RALYL: variants seen among roughly 807,000 people sequenced by gnomAD.
The protein encoded by RALYL is RALY RNA binding protein like.
RALYL carries 29 observed loss-of-function variants against 35.1 expected under a neutral mutation model. That is an observed-to-expected ratio of 0.83 (90% CI 0.61 to 1.13). The LOEUF (loss-of-function observed/expected upper bound fraction) is 1.13, where lower values mean the gene tolerates loss of function less well. Ranked by LOEUF, RALYL falls within the 50% of genes most tolerant of loss-of-function variation. The probability of loss-of-function intolerance (pLI) is 0.00; values close to 1 mark genes in which losing one functional copy is unlikely to be tolerated. For synonymous variants in RALYL, 120 were observed against 127.6 expected, an observed-to-expected ratio of 0.94 and a Z score of 0.40; for missense variants, 359 against 360.4, an observed-to-expected ratio of 1.00 and a Z score of 0.03.
chr8:84,405,149 A>T (rs1010729581), intron 1 of RALYL, among the ~76,000 whole-genome samples: 3 of 152,152 alleles, frequency 2.0e-5, no homozygotes, highest in Admixed American at 2.0e-4. Context: ...AGAAATAAAG[A>T]TGTTTCTTGA....
At chr8:84,360,555 A>C (rs1852776524) in intron 1 of RALYL, among the ~76,000 whole-genome samples, 1 of 152,136 alleles carries the variant, frequency 6.6e-6, no homozygotes, top group Non-Finnish European at 1.5e-5. Context: ...ATTCCTTCTT[A>C]ATCTTGACTA....
At chr8:84,650,411 A>T (rs182411361) in intron 2 of RALYL, among the ~76,000 whole-genome samples, 1 of 151,348 alleles carries the variant, frequency 6.6e-6, no homozygotes, top group Non-Finnish European at 1.5e-5. Context: ...AGTAGGCGAA[A>T]GACGTGAAAA....
chr8:84,493,429 C>T (rs1392060943), intron 1 of RALYL, among the ~76,000 whole-genome samples: 1 of 152,030 alleles, frequency 6.6e-6, no homozygotes, highest in Non-Finnish European at 1.5e-5. Context: ...TGGGTATATA[C>T]CAAGTAATGG....
chr8:84,389,935 A>G (rs1431030832), intron 1 of RALYL, among the ~76,000 whole-genome samples: 1 of 151,456 alleles, frequency 6.6e-6, no homozygotes, highest in African/African-American at 2.4e-5. Flanking sequence ...TTTCAAAGGG[A>G]ATGCTTCCAG....
rs193201516 is a variant in RALYL at position 84,272,373 on chromosome 8, C to T, written c.-24+87949C>T. Among the ~76,000 whole-genome samples, 13 of 152,098 alleles carry T rather than the reference C, an allele frequency of 8.5e-5. No individual in the cohort carries two copies. In the East Asian group the frequency reaches 2.1e-3, roughly 25 times the overall value. ...TCTCCCAAAGTGCTGGGATTACAGG[C>T]GTAAGCCACCGCACCTGGCCAAGTG... On this transcript the variant is annotated intron_variant, in intron 1 of 8. Coordinates refer to ENST00000521268, the MANE Select transcript of RALYL (RefSeq NM_173848.7).
intron 2 of RALYL, among the ~76,000 whole-genome samples, chr8:84,578,496 G>T (rs1311984624): frequency 6.6e-6 from 1 of 152,226 alleles, no homozygotes; most frequent in Non-Finnish European, 1.5e-5. Context: ...CTTCCAGGAA[G>T]AATGAAGTAC....
intron 2 of RALYL, among the ~76,000 whole-genome samples, chr8:84,613,204 C>T (rs1818699849): frequency 6.6e-6 from 1 of 151,596 alleles, no homozygotes; most frequent in Non-Finnish European, 1.5e-5. Flanking sequence ...CTGAAAGCCT[C>T]AATTTTCATA....
intron 2 of RALYL, among the ~76,000 whole-genome samples, chr8:84,567,576 A>G (rs1298395272): frequency 2.0e-5 from 3 of 151,814 alleles, no homozygotes; most frequent in Non-Finnish European, 2.9e-5. Flanking sequence ...GTGTATATAT[A>G]CCACATGTTC....
chr8:84,520,228 G>A (rs917694457), intron 1 of RALYL, among the ~76,000 whole-genome samples: 1 of 152,110 alleles, frequency 6.6e-6, no homozygotes, highest in African/African-American at 2.4e-5. Context: ...GCATAATTGC[G>A]GTCAGTGTAT....
chr8:84,495,541 A>C (rs1462611004), intron 1 of RALYL, among the ~76,000 whole-genome samples: 1 of 152,132 alleles, frequency 6.6e-6, no homozygotes, highest in Non-Finnish European at 1.5e-5. Context: ...AAAAATGTGC[A>C]GATTTCATAA....
chr8:84,696,718 C>T (rs1262647700), intron 2 of RALYL, among the ~76,000 whole-genome samples: 2 of 151,828 alleles, frequency 1.3e-5, no homozygotes, highest in Non-Finnish European at 2.9e-5. Flanking sequence ...TATCTAAGGC[C>T]GTTTAAGTAA....
chr8:84,347,593 C>T (rs908823304), intron 1 of RALYL, among the ~76,000 whole-genome samples: 4 of 152,110 alleles, frequency 2.6e-5, no homozygotes, highest in Admixed American at 6.6e-5. Flanking sequence ...TCCTTCTTCT[C>T]GTCTCTCAAA....
chr8:84,667,405 T>C (rs1220714142), intron 2 of RALYL, among the ~76,000 whole-genome samples: 1 of 152,116 alleles, frequency 6.6e-6, no homozygotes, highest in African/African-American at 2.4e-5. Context: ...GGTTATTTTC[T>C]TTTACTCCTT....
chr8:84,579,483 T>C (rs2135947550), intron 2 of RALYL, among the ~76,000 whole-genome samples: 1 of 152,334 alleles, frequency 6.6e-6, no homozygotes, highest in Non-Finnish European at 1.5e-5. Flanking sequence ...TTCATGGCAC[T>C]TGCTGACTCT....
intron 2 of RALYL, among the ~76,000 whole-genome samples, chr8:84,697,253 C>T (rs1839326800): frequency 1.3e-5 from 2 of 151,524 alleles, no homozygotes; most frequent in South Asian, 2.1e-4. Flanking sequence ...TTTTTAAAGC[C>T]CATAAAGAAT....
rs555069569 is a variant in RALYL, at chr8:84,577,616, A to G, written c.256+48039A>G. 4.9e-4 allele frequency among the ~76,000 whole-genome samples: 74 copies of G among 152,128 alleles called. 2 individuals are homozygous for G. The South Asian group carries it at 6.4e-3, about 13-fold the overall frequency. On this transcript the variant is annotated intron_variant, in intron 2 of 8. Coordinates refer to ENST00000521268, the MANE Select transcript of RALYL (RefSeq NM_173848.7). ...GTTAATATGAATTCCCCTTTTTTTT[A>G]AACAGTTTTCAAGATGTTGAGATTT...
chr8:84,206,926 A>G lies in RALYL; in HGVS notation c.-24+22502A>G, dbSNP rs551064851. 2.0e-5 allele frequency among the ~76,000 whole-genome samples: 3 copies of G among 152,292 alleles called. No homozygotes were observed. In the South Asian group the frequency reaches 6.2e-4, roughly 32 times the overall value. On this transcript the variant is annotated intron_variant, in intron 1 of 8. Coordinates refer to ENST00000521268, the MANE Select transcript of RALYL (RefSeq NM_173848.7). ...GCCAAAGGTATATGAAAAATGCTCA[A>G]TGTTACATAATCATCAGGAAATGCA... is the stretch of plus-strand genomic sequence containing the variant.
chr8:84,707,044 T>C (rs1223521590), intron 2 of RALYL, among the ~76,000 whole-genome samples: 1 of 152,176 alleles, frequency 6.6e-6, no homozygotes, highest in African/African-American at 2.4e-5. Context: ...CAGTCACAAT[T>C]ATCCTATCAA....
At chr8:84,715,396 AAAATT>A (rs749615835) in intron 2 of RALYL, among the ~76,000 whole-genome samples, 1 of 151,936 alleles carries the variant, frequency 6.6e-6, no homozygotes, top group Non-Finnish European at 1.5e-5. Context: ...TTGGACACCC[AAAATT>A]AAATTAAAAT....
Sources: allele counts gnomAD v4.1 joint callset (sites outside exome capture counted in the v4.1 genomes callset), GRCh38; gene constraint gnomAD v4.1.1; transcripts MANE v1.5; gene names NCBI Gene and HGNC (gene_info 2026-07-23, HGNC 2026-07-21).